ALMS1: variants seen among roughly 807,000 people sequenced by gnomAD.
ALMS1 encodes the protein ALMS1 centrosome and basal body associated protein.
Under a neutral mutation model 352.2 loss-of-function variants are expected in ALMS1, and 271 were observed. The ratio of observed to expected loss-of-function variants is 0.77; its 90% confidence interval spans 0.70 to 0.85. ALMS1 has a LOEUF of 0.85. Among genes scored for constraint, ALMS1 ranks in the 40% least tolerant of loss-of-function variants. The pLI is 0.00. For missense variants in ALMS1, 5,445 were observed against 4,870.7 expected (o/e 1.12, Z -3.51); for synonymous variants, 1,865 against 1,761.2 (o/e 1.06, Z -1.48).
At chr2:73,590,965 C>T (rs371963452) in intron 16 of ALMS1, among the ~76,000 whole-genome samples, 12 of 151,946 alleles carry the variant, frequency 7.9e-5, no homozygotes, top group Admixed American at 2.6e-4. Context: ...CGTGAGCCAC[C>T]GCGCCCGGCC....
intron 12 of ALMS1, among the ~76,000 whole-genome samples, chr2:73,539,994 A>G (rs1674131095): frequency 6.6e-6 from 1 of 152,224 alleles, no homozygotes; most frequent in Non-Finnish European, 1.5e-5. Flanking sequence ...AGGCAGGCCA[A>G]CATTCACATT....
At chr2:73,434,813 CT>C (rs1295087455) in intron 7 of ALMS1, among the ~76,000 whole-genome samples, 1 of 151,850 alleles carries the variant, frequency 6.6e-6, no homozygotes, top group Non-Finnish European at 1.5e-5. Flanking sequence ...ATGAATTGAC[CT>C]TTTTTTGGAG....
At position 73,558,012 on chromosome 2, in the gene ALMS1, T is replaced by G. The variant is rs550414302; in HGVS notation, c.10213+658T>G. ...TTCTTAAGCTGTAGCCATCAGCCCA[T>G]ATTGCAACCAGCAGGAAGAAAGGAA... On this transcript the variant is annotated intron_variant, in intron 14 of 22. Transcript: ENST00000613296. Among the ~76,000 whole-genome samples the G allele has an allele frequency of 1.6e-4, 25 of 152,294 alleles. 1 individual carries two copies. In the South Asian group the frequency reaches 5.2e-3, roughly 32 times the overall value.
intron 9 of ALMS1, chr2:73,458,147 T>C (rs1035237552): frequency 1.3e-5 from 2 of 152,104 alleles, no homozygotes; most frequent in Non-Finnish European, 2.9e-5. Flanking sequence ...CATCTTATGA[T>C]TGACTTTTTT....
chr2:73,605,156 A>G (rs1675789756), intron 21 of ALMS1, among the ~76,000 whole-genome samples: 1 of 152,204 alleles, frequency 6.6e-6, no homozygotes, highest in African/African-American at 2.4e-5. Flanking sequence ...CTTGAAAATG[A>G]AGAAGTGGGT....
intron 1 of ALMS1, among the ~76,000 whole-genome samples, chr2:73,401,741 C>T (rs192201280): frequency 3.3e-5 from 5 of 151,772 alleles, no homozygotes; most frequent in Admixed American, 6.6e-5. Flanking sequence ...AAATATAATA[C>T]AATATTATTA....
chr2:73,480,942 ATTTG>A (rs1408655016), intron 9 of ALMS1, among the ~76,000 whole-genome samples: 1 of 147,716 alleles, frequency 6.8e-6, no homozygotes, highest in Admixed American at 6.8e-5. Context: ...TTTCTTGTAA[ATTTG>A]TTTGAGTTCA....
At chr2:73,427,321 T>C (rs987143529) in intron 6 of ALMS1, among the ~76,000 whole-genome samples, 5 of 152,152 alleles carry the variant, frequency 3.3e-5, no homozygotes, top group Non-Finnish European at 7.3e-5. Context: ...ATGAAGTGCT[T>C]AACGTCCAAA....
chr2:73,448,158 A>T lies in ALMS1; in HGVS notation c.1631A>T (p.Asp544Val). 2 of 1,614,046 alleles carry T rather than the reference A, an allele frequency of 1.2e-6. No individual in the cohort carries two copies. The highest frequency in any genetic ancestry group is 3.3e-5 in the Admixed American group (2 of 59,988). Residue 544 changes from aspartate (D) to valine (V), a missense_variant, in exon 8 of 23, where the codon GAT becomes GTT. By Grantham distance (152) the Asp-to-Val change is radical (BLOSUM62 -3). Transcript: ENST00000613296. The part of the protein sequence containing the change: ...TDTLNQKTLA[D>V]THLTEETLKV... ...ACTCTCAACCAAAAGACATTAGCAGATACTCATCTAACTGAAGAGACTCTG... is the reference window on the plus strand; with the variant it reads ...ACTCTCAACCAAAAGACATTAGCAGTTACTCATCTAACTGAAGAGACTCTG...
intron 9 of ALMS1, among the ~76,000 whole-genome samples, chr2:73,474,862 A>G (rs1672551115): frequency 1.3e-5 from 2 of 152,164 alleles, no homozygotes. Context: ...AGAATTTTAC[A>G]ATAGCATAAT....
chr2:73,427,680 C>G (rs530150539), intron 6 of ALMS1, among the ~76,000 whole-genome samples: 12 of 152,064 alleles, frequency 7.9e-5, no homozygotes, highest in Admixed American at 7.9e-4. Context: ...ATGTTCCCCT[C>G]CCTGTGTCAT....
chr2:73,410,224 A>C (rs1353922324), intron 2 of ALMS1, among the ~76,000 whole-genome samples: 1 of 152,164 alleles, frequency 6.6e-6, no homozygotes, highest in Non-Finnish European at 1.5e-5. Context: ...CACTGTCTCT[A>C]CTAAAAATAC....
chr2:73,517,734 T>G (rs2103957874), intron 10 of ALMS1, among the ~76,000 whole-genome samples: 1 of 152,128 alleles, frequency 6.6e-6, no homozygotes, highest in South Asian at 2.1e-4. Context: ...CTCGGTTCAT[T>G]GCAACCCCTG....
chr2:73,386,218 G>A, intron 1 of ALMS1, 26 bp downstream of exon 1: 1 of 1,491,110 alleles, frequency 6.7e-7, no homozygotes, highest in African/African-American at 1.4e-5. Flanking sequence ...GAGGGGTGTG[G>A]AGCCGCGGCG....
At position 73,489,977 on chromosome 2, in the gene ALMS1, A is replaced by C; in HGVS notation, c.8018A>C (p.Asp2673Ala). The C allele has an allele frequency of 1.2e-6, 2 of 1,614,242 alleles. No homozygotes were observed. Among genetic ancestry groups the C allele is most frequent in the Non-Finnish European group, 1.7e-6 (2 of 1,180,046 alleles). ...AGCAAAGGTCTTCGAATGCCATTCG[A>C]TGAAAAGATGGACCCTTGGCTGTCA... Reference protein sequence around the residue: ...KISKGLRMPFDEKMDPWLSEL... With the variant: ...KISKGLRMPFAEKMDPWLSEL... The change falls in exon 10 of 23, where the codon GAT becomes GCT. Residue 2673 changes from aspartate to alanine, a missense_variant. Asp to Ala is a moderately radical substitution (Grantham distance 126). Transcript: ENST00000613296.
rs1263517008 is a variant in ALMS1, at chr2:73,450,562, A to G, written c.4035A>G (p.Gln1345=). ...SHTEKPGVFY[Q]QVLPHSHPTE... ...CAGAGAAGCCTGGTGTTTTCTACCAACAGGTCTTGCCACATAGTCATCCAA... is the reference window on the plus strand; with the variant it reads ...CAGAGAAGCCTGGTGTTTTCTACCAGCAGGTCTTGCCACATAGTCATCCAA... Residue 1345 remains glutamine (Q), a synonymous_variant, in exon 8 of 23, where the codon CAA becomes CAG. Coordinates refer to ENST00000613296, the MANE Select transcript of ALMS1 (RefSeq NM_001378454.1). 8.1e-6 allele frequency: 13 copies of G among 1,611,978 alleles called. No individual in the cohort carries two copies. The highest frequency in any genetic ancestry group is 2.2e-5 in the East Asian group (1 of 44,822).
chr2:73,452,477 C>T lies in ALMS1; in HGVS notation c.5950C>T (p.Leu1984=). 1 of 1,614,052 alleles carries T rather than the reference C, an allele frequency of 6.2e-7. No individual in the cohort carries two copies. Among genetic ancestry groups the T allele is most frequent in the Non-Finnish European group, 8.5e-7 (1 of 1,179,984 alleles). The change falls in exon 8 of 23, where the codon CTG becomes TTG. Residue 1984 remains leucine, a synonymous_variant. Coordinates refer to ENST00000613296, the MANE Select transcript of ALMS1 (RefSeq NM_001378454.1). ...AEQKTGIPIG[L]SSSYSHSHKE... is the part of the protein sequence containing the mutation. Reference sequence around the variant, plus strand: ...GCAGAAGACTGGGATACCAATAGGACTGTCTAGTTCCTACTCACATTCACA... The same window carrying T: ...GCAGAAGACTGGGATACCAATAGGATTGTCTAGTTCCTACTCACATTCACA...
intron 9 of ALMS1, among the ~76,000 whole-genome samples, chr2:73,480,579 G>C (rs1672677910): frequency 6.6e-6 from 1 of 151,606 alleles, no homozygotes; most frequent in Non-Finnish European, 1.5e-5. Flanking sequence ...ATAGTCCTTT[G>C]GGTATATACC....
At chr2:73,602,477 C>T in intron 20 of ALMS1, 109 bp downstream of exon 20, 1 of 1,344,294 alleles carries the variant, frequency 7.4e-7, no homozygotes. Context: ...CCTGGGCAGA[C>T]AGTGACCTTT....
Sources: gnomAD v4.1 joint callset for allele counts (sites outside exome capture counted in the v4.1 genomes callset) on GRCh38, gnomAD v4.1.1 for gene constraint, MANE v1.5 for transcripts, NCBI Gene and HGNC (gene_info 2026-07-23, HGNC 2026-07-21) for gene names.